NEDD4L: variants seen among roughly 807,000 people sequenced by gnomAD.
NEDD4L encodes the protein E3 ubiquitin-protein ligase NEDD4-like.
A neutral mutation model predicts 148.9 loss-of-function variants in NEDD4L; 54 were observed. The ratio of observed to expected loss-of-function variants is 0.36; its 90% CI spans 0.29 to 0.45. The LOEUF is 0.45. NEDD4L is among the 20% of genes least tolerant of loss of function. The pLI is 1.00. For synonymous variants in NEDD4L, 433 were observed against 440.7 expected (o/e 0.98, Z 0.22); for missense variants, 856 against 1,233.8 (o/e 0.69, Z 4.59).
chr18:58,379,776 G>A (rs981276632), intron 24 of NEDD4L, among the ~76,000 whole-genome samples: 27 of 152,254 alleles, frequency 1.8e-4, no homozygotes, highest in East Asian at 1.9e-4. Context: ...AAGTGTCGCC[G>A]TAACTCATGA....
chr18:58,183,447 G>A (rs941719143), intron 2 of NEDD4L, among the ~76,000 whole-genome samples: 13 of 152,154 alleles, frequency 8.5e-5, no homozygotes, highest in African/African-American at 3.1e-4. Context: ...CATTTGTGCC[G>A]GTTCTTAAAG....
chr18:58,074,770 G>A (rs8096809), intron 1 of NEDD4L, among the ~76,000 whole-genome samples: 7,583 of 152,184 alleles, frequency 0.05, 650 homozygotes, highest in African/African-American at 0.17. Flanking sequence ...TGAGGGATAC[G>A]ACTGATGCTG....
intron 1 of NEDD4L, among the ~76,000 whole-genome samples, chr18:58,070,467 C>T (rs1282916959): frequency 1.3e-5 from 2 of 151,936 alleles, no homozygotes; most frequent in Admixed American, 6.6e-5. Context: ...GATGGAGTCT[C>T]CCTATGTTAC....
chr18:58,142,224 A>AT (rs111783780), intron 1 of NEDD4L, among the ~76,000 whole-genome samples: 48,632 of 144,382 alleles, frequency 0.34, 8,216 homozygotes, highest in Non-Finnish European at 0.37. Flanking sequence ...TTTTTTTTTT[A>AT]TTTTTTGTAG....
chr18:58,347,975 G>T (rs553698318), intron 16 of NEDD4L, among the ~76,000 whole-genome samples: 236 of 142,598 alleles, frequency 1.7e-3, no homozygotes, highest in African/African-American at 5.8e-3. Context: ...TTTTTTTTTT[G>T]AGTATAAAGA....
At chr18:58,059,491 A>G (rs1254937774) in intron 1 of NEDD4L, among the ~76,000 whole-genome samples, 1 of 152,192 alleles carries the variant, frequency 6.6e-6, no homozygotes, top group Non-Finnish European at 1.5e-5. Context: ...TTGTGACTCC[A>G]GGATCCATGC....
intron 1 of NEDD4L, among the ~76,000 whole-genome samples, chr18:58,125,491 TG>T (rs1411542294): frequency 6.6e-6 from 1 of 152,122 alleles, no homozygotes; most frequent in African/African-American, 2.4e-5. Context: ...GATGTGTTCA[TG>T]GTAGAAATGA....
At chr18:58,190,757 A>G (rs927583833) in intron 2 of NEDD4L, among the ~76,000 whole-genome samples, 1 of 152,156 alleles carries the variant, frequency 6.6e-6, no homozygotes, top group African/African-American at 2.4e-5. Flanking sequence ...AGAACCTATG[A>G]TTTATACTTC....
At chr18:58,350,709 A>G (rs993933173) in intron 17 of NEDD4L, among the ~76,000 whole-genome samples, 4 of 152,202 alleles carry the variant, frequency 2.6e-5, no homozygotes, top group African/African-American at 9.7e-5. Flanking sequence ...CCACTGTTCC[A>G]TGGAATGCTG....
Position 58,357,176 on chromosome 18 carries a change from T to G in NEDD4L, c.1709-18T>G. 6.3e-7 allele frequency: 1 copy of G among 1,593,672 alleles called. No individual in the cohort carries two copies. Among genetic ancestry groups the G allele is most frequent in the Non-Finnish European group, 8.6e-7 (1 of 1,168,794 alleles). On this transcript the variant is annotated intron_variant, in intron 18 of 30. Transcript: ENST00000400345. ...AACTAATGTTCTGATTTTTTTTTTT[T>G]TTTTTTAACATTTTCAGATAGCAAA...
intron 11 of NEDD4L, among the ~76,000 whole-genome samples, chr18:58,331,996 G>A (rs1424854100): frequency 2.0e-5 from 3 of 152,152 alleles, no homozygotes; most frequent in East Asian, 1.9e-4. Flanking sequence ...TAAATGGACA[G>A]GATAAAAGAA....
intron 28 of NEDD4L, 121 bp downstream of exon 28, chr18:58,389,313 T>G (rs1215909295): frequency 1.4e-6 from 1 of 696,888 alleles, no homozygotes. Flanking sequence ...CTGTTAGAGC[T>G]TGGACTGCTG....
chr18:58,345,209 C>T (rs2042899274), intron 16 of NEDD4L, among the ~76,000 whole-genome samples: 1 of 152,232 alleles, frequency 6.6e-6, no homozygotes, highest in Non-Finnish European at 1.5e-5. Context: ...ATTCCACAAG[C>T]TACTCCCCTT....
At chr18:58,164,453 CTGAG>C (rs1365771327) in intron 1 of NEDD4L, among the ~76,000 whole-genome samples, 2 of 152,264 alleles carry the variant, frequency 1.3e-5, no homozygotes, top group South Asian at 2.1e-4. Context: ...GCTTAGGACT[CTGAG>C]TGGTGTCGCA....
At chr18:58,130,374 G>C (rs1408738921) in intron 1 of NEDD4L, among the ~76,000 whole-genome samples, 21 of 144,808 alleles carry the variant, frequency 1.5e-4, no homozygotes, top group Admixed American at 6.3e-4. Context: ...TAGCGGAACT[G>C]TGGCTGTGTT....
Position 58,280,479 on chromosome 18 carries a change from C to T in NEDD4L, c.297+28425C>T, listed in dbSNP as rs139845272. On this transcript the variant is annotated intron_variant, in intron 5 of 30. Transcript: ENST00000400345. The stretch of plus-strand genomic sequence containing the variant: ...AAGGAAAGCCAAGGAGCAGACCGGG[C>T]GAGGCTGGGTGCGAAGACCAGATGT... 6.6e-5 allele frequency among the ~76,000 whole-genome samples: 10 copies of T among 152,240 alleles called. No individual in the cohort carries two copies. The South Asian group carries it at 1.7e-3, about 25-fold the overall frequency.
At chr18:58,061,951 G>A (rs547428687) in intron 1 of NEDD4L, among the ~76,000 whole-genome samples, 2 of 152,138 alleles carry the variant, frequency 1.3e-5, no homozygotes, top group South Asian at 4.2e-4. Flanking sequence ...TTATTTTCCA[G>A]TTCTGGGAAG....
intron 5 of NEDD4L, among the ~76,000 whole-genome samples, chr18:58,302,427 A>T (rs2056599561): frequency 6.6e-6 from 1 of 152,172 alleles, no homozygotes; most frequent in Non-Finnish European, 1.5e-5. Flanking sequence ...TCGTTCATAT[A>T]CTTTGTCCTC....
intron 1 of NEDD4L, among the ~76,000 whole-genome samples, chr18:58,108,325 T>C (rs2085204024): frequency 6.6e-6 from 1 of 152,226 alleles, no homozygotes; most frequent in Non-Finnish European, 1.5e-5. Flanking sequence ...ACTCCAAAAT[T>C]GTTTTAATCT....
Sources: gnomAD v4.1 joint callset for allele counts (sites outside exome capture counted in the v4.1 genomes callset) on GRCh38, gnomAD v4.1.1 for gene constraint, MANE v1.5 for transcripts, NCBI Gene and HGNC (gene_info 2026-07-23, HGNC 2026-07-21) for gene names.